Variants in SLC35A1 observed in about 807,000 individuals in gnomAD.
The protein encoded by SLC35A1 is CMP-sialic acid transporter.
Under a neutral mutation model 40.3 loss-of-function variants are expected in SLC35A1, and 21 were observed. The ratio of observed to expected loss-of-function variants is 0.52; its 90% CI spans 0.37 to 0.75. The LOEUF is 0.75. SLC35A1 is among the 30% of genes least tolerant of loss of function. The pLI is 0.00. For missense variants in SLC35A1, 297 were observed against 382.1 expected, an observed-to-expected ratio of 0.78 and a Z score of 1.86; for synonymous variants, 146 against 147.3, an observed-to-expected ratio of 0.99 and a Z score of 0.06.
intron 2 of SLC35A1, among the ~76,000 whole-genome samples, chr6:87,478,635 C>T (rs1769150377): frequency 6.6e-6 from 1 of 152,230 alleles, no homozygotes; most frequent in Non-Finnish European, 1.5e-5. Context: ...GCATGGCTAT[C>T]ATTTTGGGAA....
At chr6:87,479,051 C>T (rs575925075) in intron 2 of SLC35A1, among the ~76,000 whole-genome samples, 1 of 152,184 alleles carries the variant, frequency 6.6e-6, no homozygotes, top group Admixed American at 6.5e-5. Flanking sequence ...AGCAGGAAAT[C>T]GGAATGAGTC....
At chr6:87,474,152 A>G (rs904586352) in intron 1 of SLC35A1, among the ~76,000 whole-genome samples, 2 of 152,276 alleles carry the variant, frequency 1.3e-5, no homozygotes, top group Admixed American at 1.3e-4. Context: ...ACGAAAACTT[A>G]TAAATTACAG....
intron 2 of SLC35A1, among the ~76,000 whole-genome samples, chr6:87,497,764 T>C (rs1310281253): frequency 6.6e-6 from 1 of 152,168 alleles, no homozygotes; most frequent in Non-Finnish European, 1.5e-5. Context: ...TATCTTACTC[T>C]TTCACCCAGG....
intron 2 of SLC35A1, among the ~76,000 whole-genome samples, chr6:87,490,828 A>G (rs1180954127): frequency 6.6e-6 from 1 of 152,210 alleles, no homozygotes; most frequent in Non-Finnish European, 1.5e-5. Flanking sequence ...TCATGAGTAG[A>G]TGTCTTCTTT....
At chr6:87,508,784 C>A in intron 6 of SLC35A1, 188 bp downstream of exon 6, 2 of 706,082 alleles carry the variant, frequency 2.8e-6, no homozygotes, top group Admixed American at 2.8e-5. Flanking sequence ...GATAGCAATG[C>A]CCCAAAATAT....
intron 5 of SLC35A1, among the ~76,000 whole-genome samples, chr6:87,507,772 C>A (rs1770132369): frequency 7.4e-6 from 1 of 135,654 alleles, no homozygotes; most frequent in South Asian, 2.2e-4. Context: ...TCATGTACTC[C>A]TTTGAAGTAT....
chr6:87,486,652 T>TA, intron 2 of SLC35A1, among the ~76,000 whole-genome samples: 1 of 152,260 alleles, frequency 6.6e-6, no homozygotes, highest in Non-Finnish European at 1.5e-5. Context: ...GCATTTGGAT[T>TA]AAAGGGTTTC....
intron 2 of SLC35A1, among the ~76,000 whole-genome samples, chr6:87,499,622 G>C (rs952274348): frequency 6.6e-6 from 1 of 152,102 alleles, no homozygotes; most frequent in Non-Finnish European, 1.5e-5. Context: ...TTTTGTTGGA[G>C]TTAGTAAATT....
At chr6:87,502,721 G>C (rs1582191316) in intron 4 of SLC35A1, among the ~76,000 whole-genome samples, 1 of 152,190 alleles carries the variant, frequency 6.6e-6, no homozygotes, top group Admixed American at 6.5e-5. Flanking sequence ...GGCAGGCAAA[G>C]TATCTATTTT....
At chr6:87,491,094 A>G (rs1450706528) in intron 2 of SLC35A1, among the ~76,000 whole-genome samples, 2 of 152,192 alleles carry the variant, frequency 1.3e-5, no homozygotes, top group African/African-American at 2.4e-5. Context: ...GTACATGTTG[A>G]CTAACCCTTA....
intron 7 of SLC35A1, among the ~76,000 whole-genome samples, chr6:87,511,131 A>G (rs1038403588): frequency 6.6e-6 from 1 of 152,154 alleles, no homozygotes; most frequent in Non-Finnish European, 1.5e-5. Flanking sequence ...GTTCTTTGTC[A>G]GAGTGGTCAG....
intron 6 of SLC35A1, 74 bp downstream of exon 6, chr6:87,508,670 G>A (rs1428892822): frequency 2.6e-6 from 3 of 1,165,734 alleles, no homozygotes; most frequent in Admixed American, 4.0e-5. Flanking sequence ...ATTTTAAGCT[G>A]TTATAACATT....
At chr6:87,510,827 C>T (rs574586067) in intron 7 of SLC35A1, among the ~76,000 whole-genome samples, 8 of 151,248 alleles carry the variant, frequency 5.3e-5, no homozygotes, top group South Asian at 2.1e-4. Flanking sequence ...GCCGAGATTG[C>T]GCCATTGCAC....
intron 2 of SLC35A1, among the ~76,000 whole-genome samples, chr6:87,481,003 C>T (rs561330632): frequency 6.6e-6 from 1 of 152,008 alleles, no homozygotes; most frequent in South Asian, 2.1e-4. Context: ...GGCTAGTGCC[C>T]GTTTACCAGA....
At chr6:87,500,914 ATTTT>A (rs1186907931) in intron 3 of SLC35A1, among the ~76,000 whole-genome samples, 2 of 151,792 alleles carry the variant, frequency 1.3e-5, no homozygotes, top group Non-Finnish European at 2.9e-5. Flanking sequence ...CACCCAGCTA[ATTTT>A]TTGTATTTTT....
chr6:87,493,875 T>G (rs1314834676), intron 2 of SLC35A1, among the ~76,000 whole-genome samples: 3 of 152,184 alleles, frequency 2.0e-5, no homozygotes, highest in Admixed American at 6.5e-5. Flanking sequence ...TTGATTATAC[T>G]TACAACACCC....
rs1769916648 is a variant in SLC35A1, at chr6:87,501,281, TG to T, written c.480del (p.Trp160Ter). The T allele has an allele frequency of 6.2e-7, 1 of 1,614,068 alleles. No individual in the cohort carries two copies. The highest frequency in any genetic ancestry group is 8.5e-7 in the Non-Finnish European group (1 of 1,179,978). ...MLCAGVTLVQ[W>X]KPAQATKVVV... ...GTGTGCTGGAGTTACGCTTGTACAG[TG>T]GAAACCAGCCCAAGCTACAAAAGTG... On this transcript the variant is annotated frameshift_variant, in exon 4 of 8. Coordinates refer to ENST00000369552, the MANE Select transcript of SLC35A1 (RefSeq NM_006416.5). LOFTEE classifies it high-confidence loss of function.
At chr6:87,503,752 T>G (rs1321106335) in intron 4 of SLC35A1, among the ~76,000 whole-genome samples, 1 of 152,116 alleles carries the variant, frequency 6.6e-6, no homozygotes, top group Non-Finnish European at 1.5e-5. Context: ...GTCTGTCACA[T>G]TTTTTGCCAA....
In SLC35A1 at chr6:87,509,023, T is replaced by G. The variant is rs754803198; in HGVS notation, c.752-18T>G. On this transcript the variant is annotated intron_variant, in intron 6 of 7. Transcript: ENST00000369552. ...CATTTATTTGAGTGATAAGATTTTATTTCTCTCTGTATACAAGTTCTTGCA... is the reference window on the plus strand; with the variant it reads ...CATTTATTTGAGTGATAAGATTTTAGTTCTCTCTGTATACAAGTTCTTGCA... 1 of 1,613,568 alleles carries G rather than the reference T, an allele frequency of 6.2e-7. No individual in the cohort carries two copies. The highest frequency in any genetic ancestry group is 1.1e-5 in the South Asian group (1 of 91,066).
Sources: allele counts gnomAD v4.1 joint callset (sites outside exome capture counted in the v4.1 genomes callset), GRCh38; gene constraint gnomAD v4.1.1; transcripts MANE v1.5; gene names NCBI Gene and HGNC (gene_info 2026-07-23, HGNC 2026-07-21).